The following PLCB4 variants were observed in gnomAD, a reference collection of about 807,000 sequenced individuals.
The protein encoded by PLCB4 is 1-phosphatidylinositol 4,5-bisphosphate phosphodiesterase beta-4.
PLCB4 carries 77 observed loss-of-function variants against 178.8 expected under a neutral mutation model. The observed-to-expected ratio is 0.43, with a 90% CI of 0.36 to 0.52. PLCB4 has a LOEUF of 0.52. PLCB4 is among the 20% of genes least tolerant of loss of function. The pLI is 0.00. For missense variants in PLCB4, 1,024 were observed against 1,453.4 expected (o/e 0.70, Z 4.80); for synonymous variants, 496 against 490.8 (o/e 1.01, Z -0.14).
intron 2 of PLCB4, among the ~76,000 whole-genome samples, chr20:9,211,238 C>T (rs2093669888): frequency 6.6e-6 from 1 of 152,132 alleles, no homozygotes; most frequent in Admixed American, 6.5e-5. Context: ...GTCCTAACAC[C>T]GCCTGCATTT....
chr20:9,435,738 A>C (rs2041726117), intron 29 of PLCB4, 90 bp downstream of exon 29: 1 of 742,396 alleles, frequency 1.3e-6, no homozygotes, highest in African/African-American at 1.8e-5. Flanking sequence ...GTAATGAATT[A>C]GCAAATTTAA....
chr20:9,392,918 A>T (rs2038263011), intron 17 of PLCB4, among the ~76,000 whole-genome samples: 1 of 151,678 alleles, frequency 6.6e-6, no homozygotes, highest in Admixed American at 6.6e-5. Flanking sequence ...GGGTGGGCAT[A>T]TAGAGAGATG....
chr20:9,258,077 A>T (rs1333414623), intron 3 of PLCB4, among the ~76,000 whole-genome samples: 2 of 152,162 alleles, frequency 1.3e-5, no homozygotes, highest in African/African-American at 4.8e-5. Context: ...GTGGTCCTAC[A>T]TCTTCTAATA....
chr20:9,433,704 CAA>C (rs557767184), intron 28 of PLCB4, among the ~76,000 whole-genome samples: 59 of 152,218 alleles, frequency 3.9e-4, no homozygotes, highest in African/African-American at 1.3e-3. Flanking sequence ...TGTTTTGTAA[CAA>C]AGAGTTTAAA....
intron 3 of PLCB4, among the ~76,000 whole-genome samples, chr20:9,263,112 T>C (rs2094314526): frequency 6.6e-6 from 1 of 152,100 alleles, no homozygotes; most frequent in Non-Finnish European, 1.5e-5. Flanking sequence ...AATCCCAAAC[T>C]CTCAAGAGAG....
At chr20:9,421,669 C>T (rs1778127695) in intron 27 of PLCB4, among the ~76,000 whole-genome samples, 1 of 152,190 alleles carries the variant, frequency 6.6e-6, no homozygotes, top group Admixed American at 6.5e-5. Context: ...CTTGGAAGAG[C>T]CCATCTCCTG....
chr20:9,156,830 TCCC>T (rs2092797437), intron 2 of PLCB4, among the ~76,000 whole-genome samples: 1 of 64,866 alleles, frequency 1.5e-5, no homozygotes, highest in Non-Finnish European at 3.0e-5. Flanking sequence ...CCTCCCTCCC[TCCC>T]TCCCTCCCTC....
At chr20:9,180,814 T>C (rs976201117) in intron 2 of PLCB4, among the ~76,000 whole-genome samples, 24 of 152,246 alleles carry the variant, frequency 1.6e-4, no homozygotes, top group African/African-American at 4.3e-4. Flanking sequence ...GAAAGGAGTT[T>C]GGAATGTGAT....
intron 2 of PLCB4, among the ~76,000 whole-genome samples, chr20:9,208,415 C>T (rs143009569): frequency 1.2e-4 from 19 of 152,256 alleles, no homozygotes; most frequent in African/African-American, 4.1e-4. Context: ...GTTTTGCTGT[C>T]TAACCAAACA....
intron 7 of PLCB4, among the ~76,000 whole-genome samples, chr20:9,343,572 T>C (rs1250365616): frequency 6.6e-6 from 1 of 152,214 alleles, no homozygotes; most frequent in Non-Finnish European, 1.5e-5. Context: ...ATAACAGCAT[T>C]GTTAAGAGAC....
chr20:9,419,184 A>G (rs754818025), intron 25 of PLCB4, among the ~76,000 whole-genome samples: 66 of 152,120 alleles, frequency 4.3e-4, no homozygotes, highest in Non-Finnish European at 8.2e-4. Context: ...TCTACTAGAA[A>G]TGGAGAAATA....
At chr20:9,123,142 G>C (rs1472071403) in intron 2 of PLCB4, among the ~76,000 whole-genome samples, 1 of 152,100 alleles carries the variant, frequency 6.6e-6, no homozygotes, top group Non-Finnish European at 1.5e-5. Context: ...AATTTCAGCT[G>C]ACATGTTGGA....
At chr20:9,362,857 A>G (rs759748656) in intron 7 of PLCB4, 39 bp from the exon 8 acceptor site, 19 of 1,341,792 alleles carry the variant, frequency 1.4e-5, no homozygotes, top group Non-Finnish European at 1.9e-5. Context: ...TGACTCCAGC[A>G]GATTTGCTCA....
At chr20:9,300,966 T>C (rs897115318) in intron 3 of PLCB4, among the ~76,000 whole-genome samples, 5 of 152,078 alleles carry the variant, frequency 3.3e-5, no homozygotes, top group African/African-American at 1.2e-4. Context: ...GGGCCACATT[T>C]CCTCCAGGCT....
chr20:9,388,595 G>A (rs929746409), intron 15 of PLCB4, among the ~76,000 whole-genome samples: 2 of 152,134 alleles, frequency 1.3e-5, no homozygotes, highest in East Asian at 3.9e-4. Flanking sequence ...GCATGCACCT[G>A]TAATCCCAGC....
chr20:9,218,391 C>T (rs2093757576), intron 3 of PLCB4, among the ~76,000 whole-genome samples: 1 of 152,202 alleles, frequency 6.6e-6, no homozygotes, highest in Non-Finnish European at 1.5e-5. Context: ...AGGTATGAAC[C>T]ACCGAACCTG....
At chr20:9,201,884 A>G (rs1312022879) in intron 2 of PLCB4, among the ~76,000 whole-genome samples, 1 of 152,176 alleles carries the variant, frequency 6.6e-6, no homozygotes, top group South Asian at 2.1e-4. Context: ...ACTTGTGGGT[A>G]TTTACCTAAG....
chr20:9,225,613 G>A (rs755399639), intron 3 of PLCB4, among the ~76,000 whole-genome samples: 13 of 152,170 alleles, frequency 8.5e-5, no homozygotes, highest in Non-Finnish European at 1.8e-4. Context: ...GGTGGCAATA[G>A]TAAGAACTTA....
In PLCB4 at chr20:9,161,870, A is replaced by G. The variant is rs565229082; in HGVS notation, c.-78-55520A>G. On this transcript the variant is annotated intron_variant, in intron 2 of 39. Coordinates refer to ENST00000378473, the MANE Select transcript of PLCB4 (RefSeq NM_001377142.1). ...CAAAACAGAGGTTCCATTCTGTGAT[A>G]CGAAAAGATAATTATTAATAAACTA... 9.8e-5 allele frequency among the ~76,000 whole-genome samples: 15 copies of G among 152,322 alleles called. No individual in the cohort carries two copies. The East Asian group carries it at 2.9e-3, about 29-fold the overall frequency.
Sources: allele counts gnomAD v4.1 joint callset (sites outside exome capture counted in the v4.1 genomes callset), GRCh38; gene constraint gnomAD v4.1.1; transcripts MANE v1.5; gene names NCBI Gene and HGNC (gene_info 2026-07-23, HGNC 2026-07-21).